Variants in FMNL2 observed in about 807,000 individuals in gnomAD.
The protein encoded by FMNL2 is formin-like protein 2.
FMNL2 carries 51 observed loss-of-function variants against 130.2 expected under a neutral mutation model. That is an observed-to-expected ratio of 0.39 (90% CI 0.31 to 0.49). FMNL2 has a LOEUF of 0.49. Ranked by LOEUF, FMNL2 falls within the 20% of genes least tolerant of loss-of-function variation. The probability of loss-of-function intolerance (pLI) is 0.85; values close to 1 mark genes in which losing one functional copy is unlikely to be tolerated. For missense variants in FMNL2, 977 were observed against 1,316.2 expected (o/e 0.74, Z 3.99); for synonymous variants, 465 against 467.1 (o/e 1.00, Z 0.06).
intron 1 of FMNL2, among the ~76,000 whole-genome samples, chr2:152,425,596 A>T (rs1256364026): frequency 6.6e-6 from 1 of 152,226 alleles, no homozygotes; most frequent in Admixed American, 6.5e-5. Flanking sequence ...TAATGATCAA[A>T]AAAGTATTTT....
At chr2:152,619,240 T>C in intron 14 of FMNL2, 82 bp downstream of exon 14, 1 of 1,448,324 alleles carries the variant, frequency 6.9e-7, no homozygotes, top group Non-Finnish European at 9.1e-7. Context: ...TTCTGTCCTT[T>C]GTCCGTTTTT....
chr2:152,613,668 C>T (rs546094365), intron 11 of FMNL2, among the ~76,000 whole-genome samples: 22 of 152,132 alleles, frequency 1.4e-4, no homozygotes, highest in Admixed American at 2.6e-4. Context: ...ACTCTGGAAC[C>T]TAATAGAGGT....
Position 152,590,980 on chromosome 2 carries a change from C to CTTTTTTTTTTT in FMNL2, c.876+9965_876+9975dup, listed in dbSNP as rs1158391663. On this transcript the variant is annotated intron_variant, in intron 9 of 25. Transcript: ENST00000288670. ...CAGAGTTAGATTTTCCCTCTGATAA[C>CTTTTTTTTTTT]TTTTTTTTTTTTTTTTTTTTTTTTT... 3.3e-4 allele frequency among the ~76,000 whole-genome samples: 22 copies of CTTTTTTTTTTT among 65,792 alleles called. 2 individuals carry two copies. The highest frequency in any genetic ancestry group is 5.4e-4 in the Non-Finnish European group (21 of 38,590). 43.2% of individuals were successfully genotyped at this position (65,792 alleles called of 152,430 possible). A position where few individuals can be genotyped will look rare whatever the true frequency, so the allele number is the denominator to read the frequency against.
At chr2:152,358,784 G>T (rs187814226) in intron 1 of FMNL2, among the ~76,000 whole-genome samples, 113 of 152,260 alleles carry the variant, frequency 7.4e-4, no homozygotes, top group African/African-American at 2.6e-3. Flanking sequence ...GACATATGAG[G>T]TTATTACAAG....
intron 9 of FMNL2, among the ~76,000 whole-genome samples, chr2:152,599,377 T>C (rs1313240061): frequency 2.7e-5 from 4 of 148,800 alleles, no homozygotes; most frequent in Non-Finnish European, 5.9e-5. Context: ...AGGAGGAGTT[T>C]TACTCTCTAG....
chr2:152,502,980 G>A (rs1216257688), intron 1 of FMNL2, among the ~76,000 whole-genome samples: 7 of 152,088 alleles, frequency 4.6e-5, no homozygotes, highest in Admixed American at 2.6e-4. Flanking sequence ...GATGTTTTCC[G>A]GGCAAGTGAT....
intron 2 of FMNL2, among the ~76,000 whole-genome samples, chr2:152,527,662 A>G (rs1196656995): frequency 2.0e-5 from 3 of 152,098 alleles, no homozygotes; most frequent in Non-Finnish European, 2.9e-5. Flanking sequence ...GAATATCACT[A>G]CGAACTCATG....
chr2:152,533,755 A>G (rs990739957), intron 2 of FMNL2, among the ~76,000 whole-genome samples: 1 of 151,954 alleles, frequency 6.6e-6, no homozygotes, highest in South Asian at 2.1e-4. Flanking sequence ...ATGGTACTCT[A>G]TTGATTTAGG....
At chr2:152,612,659 A>C (rs1698747936) in intron 11 of FMNL2, among the ~76,000 whole-genome samples, 1 of 152,226 alleles carries the variant, frequency 6.6e-6, no homozygotes, top group Non-Finnish European at 1.5e-5. Flanking sequence ...TTTGTCAACC[A>C]GGCTGGAGTG....
At chr2:152,520,749 T>C (rs1047865729) in intron 1 of FMNL2, among the ~76,000 whole-genome samples, 1 of 152,164 alleles carries the variant, frequency 6.6e-6, no homozygotes, top group Non-Finnish European at 1.5e-5. Flanking sequence ...TTTATCATAA[T>C]CAGTGGTTGA....
intron 1 of FMNL2, among the ~76,000 whole-genome samples, chr2:152,347,915 C>T (rs992182193): frequency 6.7e-6 from 1 of 148,182 alleles, no homozygotes; most frequent in Admixed American, 7.0e-5. Context: ...CTTTACAAGT[C>T]CCTAACTTGG....
At chr2:152,542,622 A>C (rs889545076) in intron 2 of FMNL2, 117 bp from the exon 3 acceptor site, 2 of 940,362 alleles carry the variant, frequency 2.1e-6, no homozygotes, top group Admixed American at 2.0e-5. Flanking sequence ...GACTGCTCGC[A>C]GGGCCACATT....
chr2:152,533,001 A>T (rs1693792403), intron 2 of FMNL2, among the ~76,000 whole-genome samples: 1 of 152,246 alleles, frequency 6.6e-6, no homozygotes, highest in Non-Finnish European at 1.5e-5. Flanking sequence ...TCAAACAGAT[A>T]CTTTGCAAAT....
intron 4 of FMNL2, among the ~76,000 whole-genome samples, chr2:152,554,596 G>A (rs1331386825): frequency 1.3e-5 from 2 of 152,270 alleles, no homozygotes; most frequent in East Asian, 3.9e-4. Flanking sequence ...ATAACCACCA[G>A]TCTGATTAGA....
intron 1 of FMNL2, among the ~76,000 whole-genome samples, chr2:152,364,231 G>T (rs1447067211): frequency 2.1e-5 from 3 of 140,252 alleles, no homozygotes; most frequent in Non-Finnish European, 4.5e-5. Context: ...ACATCCTTTA[G>T]GAGTTTCACA....
chr2:152,526,469 T>C (rs1693392110), intron 2 of FMNL2, among the ~76,000 whole-genome samples: 1 of 152,158 alleles, frequency 6.6e-6, no homozygotes, highest in South Asian at 2.1e-4. Context: ...TGATTCTACA[T>C]TTAGCTATGC....
chr2:152,426,957 C>T (rs1408042652), intron 1 of FMNL2, among the ~76,000 whole-genome samples: 2 of 152,208 alleles, frequency 1.3e-5, no homozygotes, highest in African/African-American at 4.8e-5. Context: ...GGCCCATACT[C>T]TTCCTGCCAT....
chr2:152,537,145 C>T (rs1340501003), intron 2 of FMNL2, among the ~76,000 whole-genome samples: 1 of 152,162 alleles, frequency 6.6e-6, no homozygotes, highest in Non-Finnish European at 1.5e-5. Context: ...CTGCCTGTGT[C>T]TAGTAGAAAA....
intron 2 of FMNL2, among the ~76,000 whole-genome samples, chr2:152,537,579 T>C (rs1282392615): frequency 6.6e-6 from 1 of 152,228 alleles, no homozygotes; most frequent in Non-Finnish European, 1.5e-5. Context: ...AGTGTGCTTA[T>C]AGTCTCTTTG....
Sources: allele counts gnomAD v4.1 joint callset (sites outside exome capture counted in the v4.1 genomes callset), GRCh38; gene constraint gnomAD v4.1.1; transcripts MANE v1.5; gene names NCBI Gene and HGNC (gene_info 2026-07-23, HGNC 2026-07-21).